PCDHGA4: variants seen among roughly 807,000 people sequenced by gnomAD.
PCDHGA4 encodes the protein protocadherin gamma-A4.
A neutral mutation model predicts 54.6 loss-of-function variants in PCDHGA4; 38 were observed. The observed-to-expected ratio is 0.70, with a 90% confidence interval of 0.54 to 0.91. The LOEUF is 0.91. PCDHGA4 is among the 40% of genes least tolerant of loss of function. The pLI is 0.00. For synonymous variants in PCDHGA4, 511 were observed against 512.9 expected (o/e 1.00, Z 0.05); for missense variants, 1,298 against 1,220.9 (o/e 1.06, Z -0.94).
intron 1 of PCDHGA4, chr5:141,416,406 T>C (rs2096021956): frequency 6.6e-6 from 1 of 152,224 alleles, no homozygotes; most frequent in Non-Finnish European, 1.5e-5. Flanking sequence ...TTGTCTTTTT[T>C]GTTAAATTTT....
rs761189685 is a variant in PCDHGA4 at position 141,404,203 on chromosome 5, A to G, written c.2514+46582A>G. On this transcript the variant is annotated intron_variant, in intron 1 of 3. Coordinates refer to ENST00000571252, the MANE Select transcript of PCDHGA4 (RefSeq NM_018917.4). Reference sequence around the variant, plus strand: ...TTCTTGACCGAGAAAAAGCCTCAGAATATAATATCACGGTGACTGCAACAG... The same window carrying G: ...TTCTTGACCGAGAAAAAGCCTCAGAGTATAATATCACGGTGACTGCAACAG... 11 of 1,613,806 alleles carry G rather than the reference A, an allele frequency of 6.8e-6. No individual in the cohort carries two copies. In the South Asian group the frequency reaches 1.2e-4, roughly 18 times the overall value.
chr5:141,389,321 G>T (rs570682726), intron 1 of PCDHGA4: 1 of 1,613,982 alleles, frequency 6.2e-7, no homozygotes. Context: ...ATCCGGACTT[G>T]GGGCCCAACG....
In PCDHGA4 at chr5:141,355,363, G is replaced by T. The variant is rs1284145251; in HGVS notation, c.256G>T (p.Ala86Ser). The T allele has an allele frequency of 6.2e-7, 1 of 1,614,034 alleles. No homozygotes were observed. The highest frequency in any genetic ancestry group is 1.3e-5 in the African/African-American group (1 of 75,062). ...CAACATCGCCAAGGACCTGGGGTTG[G>T]CGCCCCGGGAGCTGGCGGAGCGCGG... is the stretch of plus-strand genomic sequence containing the variant. ...VGNIAKDLGL[A>S]PRELAERGVR... Residue 86 changes from alanine (A) to serine (S), a missense_variant, in exon 1 of 4, where the codon GCG (alanine) becomes TCG (serine). By Grantham distance (99) the Ala-to-Ser change is moderately conservative (BLOSUM62 1). Transcript: ENST00000571252.
intron 1 of PCDHGA4, chr5:141,374,782 A>C (rs781674966): frequency 5.6e-6 from 9 of 1,613,904 alleles, no homozygotes; most frequent in Non-Finnish European, 7.6e-6. Flanking sequence ...TAACAGTTCT[A>C]GATGTGAATG....
At chr5:141,451,957 A>C (rs1019378263) in intron 1 of PCDHGA4, among the ~76,000 whole-genome samples, 3 of 152,202 alleles carry the variant, frequency 2.0e-5, no homozygotes, top group African/African-American at 7.2e-5. Context: ...AGAAAGTGAC[A>C]TACCATCATT....
At chr5:141,407,512 T>G (rs910710605) in intron 1 of PCDHGA4, among the ~76,000 whole-genome samples, 3 of 152,192 alleles carry the variant, frequency 2.0e-5, no homozygotes, top group Non-Finnish European at 4.4e-5. Flanking sequence ...TCTTAGGCTA[T>G]GTAGGACTTA....
chr5:141,469,112 A>T (rs1207790108), intron 1 of PCDHGA4, among the ~76,000 whole-genome samples: 1 of 151,698 alleles, frequency 6.6e-6, no homozygotes, highest in African/African-American at 2.4e-5. Flanking sequence ...ACCTGTCTCT[A>T]AAAAAATTTA....
chr5:141,364,378 C>T (rs1453338344), intron 1 of PCDHGA4: 2 of 1,578,948 alleles, frequency 1.3e-6, no homozygotes, highest in Admixed American at 1.9e-5. Context: ...TGCTGCTGCC[C>T]TTCATGCTCC....
rs527641698 is a variant in PCDHGA4 at position 141,410,317 on chromosome 5, C to G, written c.2514+52696C>G. The G allele has an allele frequency of 2.5e-6, 4 of 1,613,892 alleles. No homozygotes were observed. In the East Asian group the frequency reaches 6.7e-5, roughly 27 times the overall value. ...CCTTAATCTCAGTGCTCTTCCTCCT[C>G]GCCGTGATTCTGGCCATTGCCTTGC... On this transcript the variant is annotated intron_variant, in intron 1 of 3. Transcript: ENST00000571252.
intron 1 of PCDHGA4, chr5:141,371,778 G>A (rs1305768606): frequency 6.2e-7 from 1 of 1,614,002 alleles, no homozygotes; most frequent in Non-Finnish European, 8.5e-7. Context: ...CGTGCATGTA[G>A]CTGAGAACAA....
intron 1 of PCDHGA4, chr5:141,375,897 C>A (rs1456506633): frequency 3.7e-6 from 6 of 1,613,680 alleles, no homozygotes; most frequent in Non-Finnish European, 5.1e-6. Context: ...GCCTGGCTGT[C>A]CTACCGCCTG....
At chr5:141,389,787 G>C (rs761543632) in intron 1 of PCDHGA4, 3 of 1,613,328 alleles carry the variant, frequency 1.9e-6, no homozygotes, top group Non-Finnish European at 2.5e-6. Context: ...CGACAGGGAC[G>C]CCGTCCGCCA....
At chr5:141,419,203 C>A in intron 1 of PCDHGA4, 1 of 1,613,988 alleles carries the variant, frequency 6.2e-7, no homozygotes, top group South Asian at 1.1e-5. Context: ...TCAATGACAA[C>A]GCGCCGGTTT....
intron 1 of PCDHGA4, chr5:141,395,065 A>G: frequency 6.2e-7 from 1 of 1,614,132 alleles, no homozygotes; most frequent in South Asian, 1.1e-5. Context: ...GCTTTCCTGC[A>G]GACCTATTCC....
intron 1 of PCDHGA4, chr5:141,433,358 CCTATCTATCTAT>C (rs3074541): frequency 0.01 from 5,256 of 504,010 alleles, 38 homozygotes; most frequent in Non-Finnish European, 0.014. Flanking sequence ...CTACTGTCTG[CCTATCTATCTAT>C]CTATCTATCT....
At position 141,357,149 on chromosome 5, in the gene PCDHGA4, G is replaced by T. The variant is rs1760487529; in HGVS notation, c.2042G>T (p.Gly681Val). 2 of 1,613,452 alleles carry T rather than the reference G, an allele frequency of 1.2e-6. No homozygotes were observed. Among genetic ancestry groups the T allele is most frequent in the African/African-American group, 2.7e-5 (2 of 74,956 alleles). Residue 681 changes from glycine to valine, a missense_variant, in exon 1 of 4, where the codon GGC becomes GTC. Coordinates refer to ENST00000571252, the MANE Select transcript of PCDHGA4 (RefSeq NM_018917.4). ...CTTGTAGTGGTCGTCCAGGACCATG[G>T]CCAGCCCCCTCTCTCGGCCACCGTC... is the stretch of plus-strand genomic sequence containing the variant. ...QRLVVVVQDH[G>V]QPPLSATVTL...
intron 1 of PCDHGA4, chr5:141,410,538 T>TG (rs768720792): frequency 8.1e-6 from 13 of 1,613,830 alleles, no homozygotes; most frequent in Non-Finnish European, 1.1e-5. Flanking sequence ...AATGAAGACA[T>TG]GGTTTGCAGT....
chr5:141,458,594 G>A (rs1226490392), intron 1 of PCDHGA4, among the ~76,000 whole-genome samples: 2 of 151,612 alleles, frequency 1.3e-5, no homozygotes, highest in South Asian at 2.1e-4. Flanking sequence ...TTTTGGAGAC[G>A]AGTCTCACTC....
At chr5:141,365,820 A>G in intron 1 of PCDHGA4, 1 of 1,613,898 alleles carries the variant, frequency 6.2e-7, no homozygotes, top group East Asian at 2.2e-5. Context: ...GACACATTTC[A>G]GGGGGCGCCC....
Sources: gnomAD v4.1 joint callset for allele counts (sites outside exome capture counted in the v4.1 genomes callset) on GRCh38, gnomAD v4.1.1 for gene constraint, MANE v1.5 for transcripts, NCBI Gene and HGNC (gene_info 2026-07-23, HGNC 2026-07-21) for gene names.